TMEM163: variants seen among roughly 807,000 people sequenced by gnomAD.
The protein encoded by TMEM163 is transmembrane protein 163.
Under a neutral mutation model 29.3 loss-of-function variants are expected in TMEM163, and 17 were observed. The ratio of observed to expected loss-of-function variants is 0.58; its 90% CI spans 0.40 to 0.87. The LOEUF is 0.87. Among genes scored for constraint, TMEM163 ranks in the 40% least tolerant of loss-of-function variants. The probability of loss-of-function intolerance (pLI) is 0.00; values close to 1 mark genes in which losing one functional copy is unlikely to be tolerated. For missense variants in TMEM163, 303 were observed against 381.5 expected, an observed-to-expected ratio of 0.79 and a Z score of 1.71; for synonymous variants, 157 against 160.6, an observed-to-expected ratio of 0.98 and a Z score of 0.17.
intron 2 of TMEM163, among the ~76,000 whole-genome samples, chr2:134,579,666 C>T (rs1681645777): frequency 6.6e-6 from 1 of 152,154 alleles, no homozygotes; most frequent in Non-Finnish European, 1.5e-5. Context: ...TTCCACAGGG[C>T]TTCGGAAGAG....
At chr2:134,536,429 C>G (rs1002054312) in intron 4 of TMEM163, among the ~76,000 whole-genome samples, 10 of 152,136 alleles carry the variant, frequency 6.6e-5, no homozygotes, top group Non-Finnish European at 1.2e-4. Context: ...GTACATAGCA[C>G]GCGAAGACTC....
intron 2 of TMEM163, among the ~76,000 whole-genome samples, chr2:134,690,220 C>T (rs921941595): frequency 1.3e-5 from 2 of 151,970 alleles, no homozygotes; most frequent in Non-Finnish European, 1.5e-5. Context: ...GGTGAGCCAC[C>T]GTACCCGGCC....
intron 4 of TMEM163, among the ~76,000 whole-genome samples, chr2:134,544,038 A>G (rs1449512534): frequency 6.6e-6 from 1 of 152,198 alleles, no homozygotes; most frequent in African/African-American, 2.4e-5. Context: ...AAGCTGACTG[A>G]CAGCCCAGGA....
chr2:134,480,557 T>C (rs746880840), intron 5 of TMEM163, among the ~76,000 whole-genome samples: 1 of 152,202 alleles, frequency 6.6e-6, no homozygotes, highest in Non-Finnish European at 1.5e-5. Context: ...AGTGTAGACA[T>C]AGAACATTCC....
chr2:134,657,211 A>C (rs1331494966), intron 2 of TMEM163, among the ~76,000 whole-genome samples: 1 of 152,202 alleles, frequency 6.6e-6, no homozygotes, highest in East Asian at 1.9e-4. Flanking sequence ...TCAGCTGTGA[A>C]TCCATCTGGT....
At chr2:134,702,139 C>T (rs1684718318) in intron 2 of TMEM163, among the ~76,000 whole-genome samples, 1 of 152,090 alleles carries the variant, frequency 6.6e-6, no homozygotes. Flanking sequence ...ACAGTGAACA[C>T]TGCCGACATG....
Position 134,583,116 on chromosome 2 carries a change from A to G in TMEM163, c.323-31025T>C, listed in dbSNP as rs1021721363. ...ACAGAGAACGGTGGAGCTTCACCAG[A>G]AAGCTCCTCTCAGCACAGCAGTCAC... is the stretch of plus-strand genomic sequence containing the variant. On this transcript the variant is annotated intron_variant, in intron 2 of 7. Coordinates refer to ENST00000281924, the MANE Select transcript of TMEM163 (RefSeq NM_030923.5). Among the ~76,000 whole-genome samples the G allele has an allele frequency of 4.6e-5, 7 of 152,326 alleles. No individual in the cohort carries two copies. The East Asian group carries it at 7.7e-4, about 17-fold the overall frequency.
At chr2:134,558,847 T>C (rs532762999) in intron 2 of TMEM163, among the ~76,000 whole-genome samples, 2 of 152,300 alleles carry the variant, frequency 1.3e-5, no homozygotes, top group South Asian at 4.1e-4. Flanking sequence ...CACCTCCAAG[T>C]TGCAAAATTA....
At chr2:134,485,902 G>A (rs1247201932) in intron 5 of TMEM163, among the ~76,000 whole-genome samples, 1 of 152,090 alleles carries the variant, frequency 6.6e-6, no homozygotes, top group Admixed American at 6.5e-5. Flanking sequence ...GGGTGTCGGA[G>A]TGAATAACCA....
chr2:134,511,207 G>A (rs1255682533), intron 4 of TMEM163, among the ~76,000 whole-genome samples: 1 of 151,458 alleles, frequency 6.6e-6, no homozygotes, highest in Non-Finnish European at 1.5e-5. Flanking sequence ...TCTAATGAGG[G>A]TACATCTGAA....
chr2:134,636,419 C>G (rs1261701261), intron 2 of TMEM163, among the ~76,000 whole-genome samples: 1 of 152,200 alleles, frequency 6.6e-6, no homozygotes, highest in East Asian at 1.9e-4. Flanking sequence ...ATCTTTCGTT[C>G]AATGTCATTT....
In TMEM163 at chr2:134,674,488, C is replaced by T. The variant is rs185563352; in HGVS notation, c.322+38712G>A. On this transcript the variant is annotated intron_variant, in intron 2 of 7. Transcript: ENST00000281924. ...CCTCCCAAGTAGCTGGGACTACAGG[C>T]GCGCGCGCGCGCGCGCGCGCGCTAC... 1.8e-3 allele frequency among the ~76,000 whole-genome samples: 104 copies of T among 59,060 alleles called. 1 individual carries two copies. The highest frequency in any genetic ancestry group is 0.012 in the East Asian group (44 of 3,736). The allele number at this position is 59,060 out of a possible 152,430, so 38.7% of individuals were successfully genotyped here. A position where few individuals can be genotyped will look rare whatever the true frequency, so the allele number is the denominator to read the frequency against.
chr2:134,529,798 G>A (rs1235168426), intron 4 of TMEM163, among the ~76,000 whole-genome samples: 1 of 151,840 alleles, frequency 6.6e-6, no homozygotes, highest in African/African-American at 2.4e-5. Flanking sequence ...TAAATAATGA[G>A]TACATACTAA....
intron 5 of TMEM163, among the ~76,000 whole-genome samples, chr2:134,477,431 A>G (rs1686943022): frequency 6.6e-6 from 1 of 152,196 alleles, no homozygotes; most frequent in African/African-American, 2.4e-5. Context: ...GGAATTTGGT[A>G]AGTCCCACCT....
At chr2:134,513,168 C>T (rs1679986105) in intron 4 of TMEM163, among the ~76,000 whole-genome samples, 2 of 152,136 alleles carry the variant, frequency 1.3e-5, no homozygotes, top group South Asian at 2.1e-4. Flanking sequence ...AAGCTTTGAA[C>T]CTGAGAAAAG....
At chr2:134,649,955 T>C (rs1293511443) in intron 2 of TMEM163, among the ~76,000 whole-genome samples, 1 of 138,150 alleles carries the variant, frequency 7.2e-6, no homozygotes, top group African/African-American at 2.8e-5. Flanking sequence ...CAGTGAGCCA[T>C]GATCACACCA....
At chr2:134,667,018 GA>G (rs919112125) in intron 2 of TMEM163, among the ~76,000 whole-genome samples, 25 of 152,154 alleles carry the variant, frequency 1.6e-4, no homozygotes, top group African/African-American at 6.0e-4. Flanking sequence ...AGCCCCACTA[GA>G]AAAATCTACT....
chr2:134,466,196 T>C lies in TMEM163; in HGVS notation c.585A>G (p.Leu195=). Residue 195 remains leucine, a synonymous_variant, in exon 6 of 8, where the codon TTA becomes TTG. Coordinates refer to ENST00000281924, the MANE Select transcript of TMEM163 (RefSeq NM_030923.5). The part of the protein sequence containing the change: ...VDDFLFSVSI[L]SGILCSILAV... ...CCAGGATGCTGCAAAGAATCCCACT[T>C]AAAATGGAGACACTGAACAGGAAAT... 6.2e-7 allele frequency: 1 copy of C among 1,613,886 alleles called. No homozygotes were observed. Among genetic ancestry groups the C allele is most frequent in the Non-Finnish European group, 8.5e-7 (1 of 1,179,966 alleles).
chr2:134,610,070 G>A (rs2104816995), intron 2 of TMEM163, among the ~76,000 whole-genome samples: 1 of 152,346 alleles, frequency 6.6e-6, no homozygotes, highest in South Asian at 2.1e-4. Flanking sequence ...GGAAGAGGGA[G>A]AGAGTAAACA....
Sources: gnomAD v4.1 joint callset for allele counts (sites outside exome capture counted in the v4.1 genomes callset) on GRCh38, gnomAD v4.1.1 for gene constraint, MANE v1.5 for transcripts, NCBI Gene and HGNC (gene_info 2026-07-23, HGNC 2026-07-21) for gene names.